Variants in RFX3 observed in about 807,000 individuals in gnomAD.
RFX3 encodes the protein regulatory factor X3.
RFX3 carries 14 observed loss-of-function variants against 98.6 expected under a neutral mutation model. The observed-to-expected ratio is 0.14, with a 90% confidence interval of 0.09 to 0.22. The LOEUF is 0.22. RFX3 is among the 10% of genes least tolerant of loss of function. The pLI, the probability that RFX3 is intolerant of heterozygous loss-of-function variation, is 1.00. For synonymous variants in RFX3, 383 were observed against 328.4 expected (o/e 1.17, Z -1.80); for missense variants, 639 against 926.9 (o/e 0.69, Z 4.03).
chr9:3,493,450 C>A (rs188439611), intron 1 of RFX3, among the ~76,000 whole-genome samples: 238 of 151,886 alleles, frequency 1.6e-3, no homozygotes, highest in African/African-American at 5.4e-3. Flanking sequence ...TTTGGGAGGC[C>A]GAGGCAGGCA....
Position 3,330,410 on chromosome 9 carries a change from G to A in RFX3, c.323C>T (p.Ser108Leu). Residue 108 changes from serine (S) to leucine (L), a missense_variant, in exon 4 of 17, where the codon TCA (serine) becomes TTA (leucine). Physicochemically the swap from Ser to Leu is moderately radical, Grantham distance 145 (BLOSUM62 -2). Transcript: ENST00000617270. ...GSSAQVTTVV[S>L]SHSMVGTGGI... ...ACCAGTGCCCACCATACTGTGGGATGAGACCACGGTAGTCACCTGGGCGGA... is the reference window on the plus strand; with the variant it reads ...ACCAGTGCCCACCATACTGTGGGATAAGACCACGGTAGTCACCTGGGCGGA... 6.2e-7 allele frequency: 1 copy of A among 1,614,148 alleles called. No individual in the cohort carries two copies. The highest frequency in any genetic ancestry group is 8.5e-7 in the Non-Finnish European group (1 of 1,180,012).
intron 5 of RFX3, among the ~76,000 whole-genome samples, chr9:3,300,133 G>C (rs551321698): frequency 1.1e-4 from 17 of 151,510 alleles, no homozygotes; most frequent in African/African-American, 3.1e-4. Flanking sequence ...GTAGTATACA[G>C]GAAATCAGCC....
rs534981893 is a variant in RFX3 at position 3,233,687 on chromosome 9, C to A, written c.1969-4798G>T. On this transcript the variant is annotated intron_variant, in intron 15 of 16. Transcript: ENST00000617270. ...AAGAATTAGTGAGTAATCATAATCA[C>A]ATTTATGTTATACGTATCATTAATT... 3.3e-5 allele frequency among the ~76,000 whole-genome samples: 5 copies of A among 152,316 alleles called. No homozygotes were observed. The South Asian group carries it at 1.0e-3, about 32-fold the overall frequency.
At chr9:3,423,541 T>A (rs1300897991) in intron 1 of RFX3, among the ~76,000 whole-genome samples, 1 of 151,986 alleles carries the variant, frequency 6.6e-6, no homozygotes, top group African/African-American at 2.4e-5. Context: ...GAGTACATAA[T>A]GCTTTATTAA....
chr9:3,431,756 A>T (rs920317264), intron 1 of RFX3, among the ~76,000 whole-genome samples: 1 of 152,228 alleles, frequency 6.6e-6, no homozygotes, highest in Non-Finnish European at 1.5e-5. Flanking sequence ...AAATGTCAAG[A>T]CAAGAGAAGC....
chr9:3,247,340 A>T, intron 15 of RFX3: 1 of 987,560 alleles, frequency 1.0e-6, no homozygotes, highest in Non-Finnish European at 1.2e-6. Flanking sequence ...CCCTTACATC[A>T]TTAGTGGTTA....
At position 3,501,483 on chromosome 9, in the gene RFX3, T is replaced by C. The variant is rs1298640663; in HGVS notation, c.-9+24264A>G. Among the ~76,000 whole-genome samples, 6 of 152,058 alleles carry C rather than the reference T, an allele frequency of 3.9e-5. No homozygotes were observed. In the East Asian group the frequency reaches 5.8e-4, roughly 15 times the overall value. On this transcript the variant is annotated intron_variant, in intron 1 of 16. Transcript: ENST00000617270. ...ATTTCCTTATTTTGTTTCTTCAAAT[T>C]ATTTCAACAATTTGTTTAGCCAAGA...
At chr9:3,524,625 C>A in intron 1 of RFX3, 2 of 984,234 alleles carry the variant, frequency 2.0e-6, no homozygotes, top group Non-Finnish European at 1.2e-6. Context: ...TCTCACAAAG[C>A]TTCCTTGTGT....
chr9:3,482,972 A>T (rs1849923759), intron 1 of RFX3, among the ~76,000 whole-genome samples: 1 of 152,196 alleles, frequency 6.6e-6, no homozygotes, highest in African/African-American at 2.4e-5. Flanking sequence ...ACTATCCACA[A>T]CCAATCTTGC....
At chr9:3,362,271 C>G (rs931232582) in intron 2 of RFX3, among the ~76,000 whole-genome samples, 1 of 152,120 alleles carries the variant, frequency 6.6e-6, no homozygotes, top group African/African-American at 2.4e-5. Flanking sequence ...CCTTCCATGT[C>G]AAAGAATGTG....
chr9:3,480,783 G>C (rs1331326526), intron 1 of RFX3, among the ~76,000 whole-genome samples: 1 of 152,038 alleles, frequency 6.6e-6, no homozygotes, highest in African/African-American at 2.4e-5. Context: ...TTGTAAAACA[G>C]GAAAAATTAT....
rs747592970 is a variant in RFX3, at chr9:3,301,609, C to T, written c.486G>A (p.Ala162=). ...TRASPATIEM[A]IETLQKSDGL... is the part of the protein sequence containing the mutation. The stretch of plus-strand genomic sequence containing the variant: ...CGTCAGACTTTTGCAGCGTCTCAAT[C>T]GCCATTTCAATCTGATAATAGATGT... The change falls in exon 5 of 17, where the codon GCG becomes GCA. Residue 162 remains alanine, a synonymous_variant. Transcript: ENST00000617270. 9 of 1,599,578 alleles carry T rather than the reference C, an allele frequency of 5.6e-6. No individual in the cohort carries two copies. Among genetic ancestry groups the T allele is most frequent in the East Asian group, 4.5e-5 (2 of 44,680 alleles).
chr9:3,333,335 T>A (rs1832806106), intron 3 of RFX3, among the ~76,000 whole-genome samples: 1 of 152,076 alleles, frequency 6.6e-6, no homozygotes, highest in African/African-American at 2.4e-5. Flanking sequence ...GTTCTGAAAG[T>A]ATTCCACACT....
chr9:3,493,872 T>A (rs944930843), intron 1 of RFX3, among the ~76,000 whole-genome samples: 5 of 151,838 alleles, frequency 3.3e-5, no homozygotes, highest in Non-Finnish European at 7.4e-5. Context: ...CTTGCCTCTA[T>A]GCCATTGTAT....
chr9:3,392,028 G>A (rs1020139405), intron 2 of RFX3, among the ~76,000 whole-genome samples: 6 of 152,176 alleles, frequency 3.9e-5, no homozygotes, highest in African/African-American at 7.2e-5. Flanking sequence ...TAGGCAGGAA[G>A]TTGGACAAGT....
chr9:3,508,139 TAATCTGA>T (rs1252394200), intron 1 of RFX3, among the ~76,000 whole-genome samples: 1 of 151,978 alleles, frequency 6.6e-6, no homozygotes, highest in Non-Finnish European at 1.5e-5. Flanking sequence ...AGGACTCTAT[TAATCTGA>T]ATTTTAAAAG....
At chr9:3,355,048 G>T (rs373032323) in intron 2 of RFX3, among the ~76,000 whole-genome samples, 3 of 151,624 alleles carry the variant, frequency 2.0e-5, no homozygotes, top group Admixed American at 6.6e-5. Context: ...GTTGAACACA[G>T]ACTGATAAAT....
At chr9:3,357,361 A>G (rs1835901272) in intron 2 of RFX3, among the ~76,000 whole-genome samples, 1 of 151,948 alleles carries the variant, frequency 6.6e-6, no homozygotes. Flanking sequence ...GAAATCCACT[A>G]TTTCCTTTGA....
rs1817318516 is a variant in RFX3, at chr9:3,221,049, G to A, written c.*3993C>T. ...TGGTTGTTCTTTTCTCACCAAGAAT[G>A]TGTGTGTCTGGGGGATATAATAAAG... On this transcript the variant is annotated 3_prime_UTR_variant, in exon 17 of 17. Coordinates refer to ENST00000617270, the MANE Select transcript of RFX3 (RefSeq NM_001282116.2). 6.6e-6 allele frequency: 1 copy of A among 152,126 alleles called. No homozygotes were observed. The highest frequency in any genetic ancestry group is 6.6e-5 in the Admixed American group (1 of 15,256). The allele number at this position is 152,126 out of a possible 1,614,324, so 9.4% of individuals were successfully genotyped here.
Sources: gnomAD v4.1 joint callset for allele counts (sites outside exome capture counted in the v4.1 genomes callset) on GRCh38, gnomAD v4.1.1 for gene constraint, MANE v1.5 for transcripts, NCBI Gene and HGNC (gene_info 2026-07-23, HGNC 2026-07-21) for gene names.